NLGN4X: variants seen among roughly 807,000 people sequenced by gnomAD.
NLGN4X encodes the protein neuroligin 4 X-linked.
In NLGN4X, 3 loss-of-function variants were observed where a neutral mutation model predicts 40.3. That is an observed-to-expected ratio of 0.07 (90% CI 0.03 to 0.19). The LOEUF (loss-of-function observed/expected upper bound fraction) is 0.19. Ranked by LOEUF, NLGN4X falls within the 10% of genes least tolerant of loss-of-function variation. The probability of loss-of-function intolerance (pLI) is 1.00; values close to 1 mark genes in which losing one functional copy is unlikely to be tolerated. For missense variants in NLGN4X, 382 were observed against 708.3 expected, an observed-to-expected ratio of 0.54 and a Z score of 5.23; for synonymous variants, 270 against 306.8, an observed-to-expected ratio of 0.88 and a Z score of 1.25.
chrX:6,015,229 A>T (rs1008738261), intron 3 of NLGN4X, among the ~76,000 whole-genome samples: 4 of 111,815 alleles, frequency 3.6e-5, no homozygotes, highest in Non-Finnish European at 7.5e-5. Flanking sequence ...TTTTCAATGG[A>T]AGTTGTTATA....
At chrX:6,120,488 G>C (rs2039398904) in intron 2 of NLGN4X, among the ~76,000 whole-genome samples, 1 of 111,816 alleles carries the variant, frequency 8.9e-6, no homozygotes, top group Non-Finnish European at 1.9e-5. Context: ...GCATGAGTCA[G>C]GCATTGTGCT....
At chrX:5,974,499 T>C (rs1210544428) in intron 3 of NLGN4X, among the ~76,000 whole-genome samples, 2 of 111,718 alleles carry the variant, frequency 1.8e-5, no homozygotes, top group Non-Finnish European at 3.8e-5. Context: ...CAAAAGCATA[T>C]TGACTGACAT....
intron 1 of NLGN4X, among the ~76,000 whole-genome samples, chrX:6,181,892 AATTAACAAG>A (rs1205815028): frequency 1.8e-5 from 2 of 111,894 alleles, no homozygotes; most frequent in African/African-American, 6.5e-5. Context: ...AAGGCATTGA[AATTAACAAG>A]AGAGGAAAGA....
chrX:6,017,623 T>C lies in NLGN4X; in HGVS notation c.625+11657A>G, dbSNP rs1398957835. ...CCCGGACTTACAATGGTTTGATTTA[T>C]GATTTTTGATCTTAAGATGATACAA... On this transcript the variant is annotated intron_variant, in intron 3 of 5. Transcript: ENST00000381095. Among the ~76,000 whole-genome samples the C allele has an allele frequency of 2.7e-5, 3 of 112,055 alleles. No homozygotes were observed. In the Admixed American group the frequency reaches 2.8e-4, roughly 11 times the overall value.
intron 2 of NLGN4X, among the ~76,000 whole-genome samples, chrX:6,104,321 C>T (rs2038987597): frequency 8.9e-6 from 1 of 112,093 alleles, no homozygotes; most frequent in African/African-American, 3.2e-5. Flanking sequence ...TGGCTTGCTT[C>T]ATAATCTTCC....
intron 1 of NLGN4X, among the ~76,000 whole-genome samples, chrX:6,188,495 T>C (rs1371587928): frequency 1.8e-5 from 2 of 111,583 alleles, no homozygotes; most frequent in African/African-American, 6.5e-5. Flanking sequence ...GAATCGCAGG[T>C]GTCTTTGTAA....
intron 2 of NLGN4X, among the ~76,000 whole-genome samples, chrX:6,124,831 T>C (rs1266521029): frequency 8.9e-6 from 1 of 112,565 alleles, no homozygotes; most frequent in African/African-American, 3.2e-5. Flanking sequence ...AATATGTCTA[T>C]GTATGTGTAA....
At chrX:6,158,247 T>C (rs2040313708) in intron 1 of NLGN4X, among the ~76,000 whole-genome samples, 2 of 111,786 alleles carry the variant, frequency 1.8e-5, no homozygotes, top group South Asian at 7.5e-4. Flanking sequence ...GCCATGACTA[T>C]TTTCTCTTCA....
chrX:6,190,603 A>G lies in NLGN4X; in HGVS notation c.-306+37938T>C, dbSNP rs933642174. Among the ~76,000 whole-genome samples the G allele has an allele frequency of 2.7e-5, 3 of 111,905 alleles. No homozygotes were observed. In the Admixed American group the frequency reaches 2.8e-4, roughly 11 times the overall value. ...AATATCTCCACTAACATGGGCTCAC[A>G]GCTGTATATCACAAAAGTATTCTAC... On this transcript the variant is annotated intron_variant, in intron 1 of 5. Transcript: ENST00000381095.
At position 5,890,682 on chromosome X, in the gene NLGN4X, C is replaced by T. The variant is rs2146673020; in HGVS notation, c.*2135G>A. 9.4e-6 allele frequency: 3 copies of T among 319,849 alleles called. No homozygotes were observed. Among genetic ancestry groups the T allele is most frequent in the Non-Finnish European group, 1.8e-5 (3 of 166,917 alleles). 26.4% of individuals were successfully genotyped at this position (319,849 alleles called of 1,213,427 possible). On this transcript the variant is annotated 3_prime_UTR_variant, in exon 6 of 6. Coordinates refer to ENST00000381095, the MANE Select transcript of NLGN4X (RefSeq NM_181332.3). ...CAATGAATTCGGAATGAAATCTTAC[C>T]ATGACACCTCTCTGTAGGAAAGAAA... is the stretch of plus-strand genomic sequence containing the variant.
chrX:6,085,355 C>T (rs1054750157), intron 2 of NLGN4X, among the ~76,000 whole-genome samples: 1 of 111,563 alleles, frequency 9.0e-6, no homozygotes, highest in Non-Finnish European at 1.9e-5. Context: ...GGTGATAAAT[C>T]GTAGCTCCAC....
chrX:5,937,334 C>T (rs1432318700), intron 3 of NLGN4X, among the ~76,000 whole-genome samples: 1 of 111,340 alleles, frequency 9.0e-6, no homozygotes, highest in African/African-American at 3.3e-5. Context: ...CTTCGACCTC[C>T]CAAAGTGCCT....
intron 2 of NLGN4X, among the ~76,000 whole-genome samples, chrX:6,124,118 T>C (rs2039488646): frequency 1.8e-5 from 2 of 110,607 alleles, no homozygotes; most frequent in African/African-American, 6.5e-5. Context: ...ACAAAAATTG[T>C]AAATGTCAAA....
chrX:6,102,842 GTAGA>G (rs1370463708), intron 2 of NLGN4X, among the ~76,000 whole-genome samples: 38 of 111,061 alleles, frequency 3.4e-4, no homozygotes, highest in Non-Finnish European at 1.5e-4. Context: ...AGAGAGAGGG[GTAGA>G]TAGATTAAAT....
At chrX:6,018,632 T>C (rs2036454984) in intron 3 of NLGN4X, among the ~76,000 whole-genome samples, 1 of 112,193 alleles carries the variant, frequency 8.9e-6, no homozygotes, top group Non-Finnish European at 1.9e-5. Context: ...AGTGCTGAAA[T>C]GCTTATCATT....
chrX:6,115,177 T>C (rs1199110766), intron 2 of NLGN4X, among the ~76,000 whole-genome samples: 1 of 111,823 alleles, frequency 8.9e-6, no homozygotes, highest in Non-Finnish European at 1.9e-5. Flanking sequence ...GGAGGAAATA[T>C]GGTTGTAGGT....
At chrX:6,042,730 T>TATATATACACACACACAC (rs1215396694) in intron 2 of NLGN4X, among the ~76,000 whole-genome samples, 2 of 20,168 alleles carry the variant, frequency 9.9e-5, no homozygotes, top group African/African-American at 3.2e-4. Context: ...TATATATATA[T>TATATATACACACACACAC]ACACACACAC....
chrX:6,062,768 C>T (rs2037802421), intron 2 of NLGN4X, among the ~76,000 whole-genome samples: 1 of 111,013 alleles, frequency 9.0e-6, no homozygotes, highest in African/African-American at 3.3e-5. Flanking sequence ...TGCCTGCTGC[C>T]ATCCATGTAA....
intron 3 of NLGN4X, among the ~76,000 whole-genome samples, chrX:6,021,538 A>C (rs1158292082): frequency 9.0e-6 from 1 of 110,720 alleles, no homozygotes; most frequent in East Asian, 2.9e-4. Context: ...GCAGAAGAGG[A>C]AAGTCCAAGC....
Sources: allele counts gnomAD v4.1 joint callset (sites outside exome capture counted in the v4.1 genomes callset), GRCh38; gene constraint gnomAD v4.1.1; transcripts MANE v1.5; gene names NCBI Gene and HGNC (gene_info 2026-07-23, HGNC 2026-07-21).